Variants in SUPT5H observed in about 807,000 individuals in gnomAD.
SUPT5H encodes the protein SPT5 homolog, DSIF elongation factor subunit.
SUPT5H carries 24 observed loss-of-function variants against 142.5 expected under a neutral mutation model. The observed-to-expected ratio is 0.17, with a 90% confidence interval of 0.12 to 0.24. SUPT5H has a LOEUF of 0.24. SUPT5H is among the 10% of genes least tolerant of loss of function. The probability of loss-of-function intolerance (pLI) is 1.00; values close to 1 mark genes in which losing one functional copy is unlikely to be tolerated. For synonymous variants in SUPT5H, 546 were observed against 553.0 expected, an observed-to-expected ratio of 0.99 and a Z score of 0.18; for missense variants, 893 against 1,471.8, an observed-to-expected ratio of 0.61 and a Z score of 6.43.
In SUPT5H at chr19:39,458,389, T is replaced by C; in HGVS notation, c.319+84T>C. 6.3e-7 allele frequency: 1 copy of C among 1,596,728 alleles called. No individual in the cohort carries two copies. Among genetic ancestry groups the C allele is most frequent in the African/African-American group, 1.3e-5 (1 of 74,866 alleles). On this transcript the variant is annotated intron_variant, in intron 5 of 29. Coordinates refer to ENST00000432763, the MANE Select transcript of SUPT5H (RefSeq NM_001111020.3). The surrounding 1 kb of genome is among the most constrained non-coding windows in gnomAD (Gnocchi z 4.2). ...TTCCTGAGGCACCTGCCCTCACCGG[T>C]AGCCTCCCCACCAGCCCCGGTCTGG...
rs371145303 is a variant in SUPT5H at position 39,474,411 on chromosome 19, C to T, written c.2820+9C>T. ...CGCCCATGGCCTATCAGGTAATGGT[C>T]TGCCTGCCTGCCCTGAAGGGTGGTG... On this transcript the variant is annotated intron_variant, in intron 27 of 29. Transcript: ENST00000432763. This position sits in a 1 kb window ranked among gnomAD's most constrained non-coding sequence, Gnocchi z 6.5. The T allele has an allele frequency of 9.9e-6, 16 of 1,612,828 alleles. No individual in the cohort carries two copies. Among genetic ancestry groups the T allele is most frequent in the African/African-American group, 1.3e-5 (1 of 75,030 alleles).
intron 28 of SUPT5H, 93 bp from the exon 29 acceptor site, chr19:39,475,988 C>A: frequency 8.2e-7 from 1 of 1,220,066 alleles, no homozygotes; most frequent in Admixed American, 2.2e-5. Flanking sequence ...CTTGAGTTCT[C>A]AGAATGAGCC....
chr19:39,471,844 C>A, intron 20 of SUPT5H, 114 bp downstream of exon 20: 1 of 1,402,240 alleles, frequency 7.1e-7, no homozygotes. Flanking sequence ...AGAGCAGTGT[C>A]ATTGTCAGGT....
At chr19:39,457,559 G>A (rs2079106121) in intron 3 of SUPT5H, 116 bp from the exon 4 acceptor site, 1 of 1,531,896 alleles carries the variant, frequency 6.5e-7, no homozygotes. Context: ...GAGCCTCAGT[G>A]TCCTGCTCTG....
intron 3 of SUPT5H, among the ~76,000 whole-genome samples, chr19:39,456,960 G>C (rs2079098866): frequency 6.6e-6 from 1 of 152,232 alleles, no homozygotes; most frequent in Admixed American, 6.5e-5. Flanking sequence ...TTAGAAATGT[G>C]AGGGAGACTT....
intron 19 of SUPT5H, 44 bp downstream of exon 19, chr19:39,471,547 G>T: frequency 6.2e-7 from 1 of 1,613,876 alleles, no homozygotes; most frequent in East Asian, 2.2e-5. Flanking sequence ...GAAAGAATTT[G>T]GTTGGTTGGG....
At position 39,470,071 on chromosome 19, in the gene SUPT5H, T is replaced by C; in HGVS notation, c.1375-48T>C. On this transcript the variant is annotated intron_variant, in intron 16 of 29. Transcript: ENST00000432763. This position sits in a 1 kb window ranked among gnomAD's most constrained non-coding sequence, Gnocchi z 5.8. Reference sequence around the variant, plus strand: ...GAAGACAGGAGGGGCAGGCAGGTTGTGGTGGTCTCCCTTCACCTGTTTGTT... The same window carrying C: ...GAAGACAGGAGGGGCAGGCAGGTTGCGGTGGTCTCCCTTCACCTGTTTGTT... The C allele has an allele frequency of 6.3e-7, 1 of 1,585,950 alleles. No homozygotes were observed. Among genetic ancestry groups the C allele is most frequent in the Non-Finnish European group, 8.6e-7 (1 of 1,161,346 alleles).
chr19:39,473,225 A>G lies in SUPT5H; in HGVS notation c.2281A>G (p.Met761Val). The G allele has an allele frequency of 1.9e-6, 3 of 1,613,140 alleles. No individual in the cohort carries two copies. The highest frequency in any genetic ancestry group is 2.2e-5 in the South Asian group (2 of 91,084). ...CAGGGGCTCACGGCGCCCGGGCGGC[A>G]TGACCTCGACCTATGGGAGGACGCC... is the stretch of plus-strand genomic sequence containing the variant. ...TTVGSRRPGG[M>V]TSTYGRTPMY... Residue 761 changes from methionine to valine, a missense_variant, in exon 24 of 30, where the codon ATG (methionine) becomes GTG (valine). Met to Val is a conservative substitution (Grantham distance 21). Transcript: ENST00000432763. This position sits in a 1 kb window ranked among gnomAD's most constrained non-coding sequence, Gnocchi z 5.8.
Position 39,470,286 on chromosome 19 carries a change from G to C in SUPT5H, c.1530+12G>C, listed in dbSNP as rs1289522676. ...TCACCATGCATGAGGTAGGTGGATA[G>C]AAGGGTCGGGGAAGGGTGCACGTGC... is the stretch of plus-strand genomic sequence containing the variant. On this transcript the variant is annotated intron_variant, in intron 17 of 29. Coordinates refer to ENST00000432763, the MANE Select transcript of SUPT5H (RefSeq NM_001111020.3). The surrounding 1 kb of genome is among the most constrained non-coding windows in gnomAD (Gnocchi z 5.8). 2 of 1,559,518 alleles carry C rather than the reference G, an allele frequency of 1.3e-6. No individual in the cohort carries two copies. The highest frequency in any genetic ancestry group is 1.7e-6 in the Non-Finnish European group (2 of 1,146,308).
intron 3 of SUPT5H, among the ~76,000 whole-genome samples, chr19:39,455,870 C>A (rs1483742450): frequency 6.8e-6 from 1 of 147,336 alleles, no homozygotes; most frequent in Admixed American, 6.8e-5. Flanking sequence ...ATCCACCCAC[C>A]TTGGCCTCCC....
At chr19:39,451,315 A>G (rs2079019374) in intron 2 of SUPT5H, among the ~76,000 whole-genome samples, 1 of 150,264 alleles carries the variant, frequency 6.7e-6, no homozygotes, top group Admixed American at 6.6e-5. Flanking sequence ...CAGCCTCCCA[A>G]GTAGTTGGGA....
chr19:39,463,885 A>G (rs1340651087), intron 10 of SUPT5H, among the ~76,000 whole-genome samples: 2 of 151,058 alleles, frequency 1.3e-5, no homozygotes, highest in South Asian at 4.2e-4. Flanking sequence ...TGACCTTTTT[A>G]TTGTTACAAA....
intron 2 of SUPT5H, among the ~76,000 whole-genome samples, chr19:39,446,253 C>T (rs770794531): frequency 5.3e-5 from 8 of 151,964 alleles, no homozygotes; most frequent in Non-Finnish European, 1.0e-4. Context: ...TATGTCTAGT[C>T]ATTCCATAAC....
At chr19:39,460,018 A>G (rs755793473) in intron 10 of SUPT5H, 58 bp downstream of exon 10, 1 of 1,573,276 alleles carries the variant, frequency 6.4e-7, no homozygotes, top group Non-Finnish European at 8.7e-7. Flanking sequence ...AGAGGGAAGA[A>G]CATTGTCAAC....
chr19:39,473,109 C>A lies in SUPT5H; in HGVS notation c.2253C>A (p.Thr751=), dbSNP rs755925109. 1.8e-5 allele frequency: 29 copies of A among 1,613,244 alleles called. No individual in the cohort carries two copies. The highest frequency in any genetic ancestry group is 2.3e-5 in the Non-Finnish European group (27 of 1,179,892). Residue 751 remains threonine, a synonymous_variant, in exon 23 of 30, where the codon ACC becomes ACA. Coordinates refer to ENST00000432763, the MANE Select transcript of SUPT5H (RefSeq NM_001111020.3). The surrounding 1 kb of genome is among the most constrained non-coding windows in gnomAD (Gnocchi z 5.8). ...TCTCTGTGGACCGTCAGCGGCTCAC[C>A]ACGGTGTACGGGCGGGGCCTGGGGA... ...QTISVDRQRL[T]TVGSRRPGGM...
In SUPT5H at chr19:39,473,416, G is replaced by A. The variant is rs772410534; in HGVS notation, c.2387G>A (p.Gly796Asp). 5.0e-6 allele frequency: 8 copies of A among 1,613,222 alleles called. No homozygotes were observed. The South Asian group carries it at 8.8e-5, about 18-fold the overall frequency. Reference protein sequence around the residue: ...MYGSQTPLQDGSRTPHYGSQT... With the variant: ...MYGSQTPLQDDSRTPHYGSQT... ...GACACACTCATTTCCCCCATTCCAG[G>A]TAGCCGCACCCCACACTACGGCTCA... Residue 796 changes from glycine to aspartate, a missense_variant and splice_region_variant, in exon 25 of 30, where the codon GGT (glycine) becomes GAT (aspartate). Coordinates refer to ENST00000432763, the MANE Select transcript of SUPT5H (RefSeq NM_001111020.3). The surrounding 1 kb of genome is among the most constrained non-coding windows in gnomAD (Gnocchi z 5.8).
chr19:39,475,101 G>C (rs930536106), intron 28 of SUPT5H: 1 of 283,168 alleles, frequency 3.5e-6, no homozygotes, highest in Admixed American at 4.9e-5. Flanking sequence ...GCCAAAGGGG[G>C]CCAAGCAGTG....
intron 3 of SUPT5H, among the ~76,000 whole-genome samples, chr19:39,454,383 T>G: frequency 1.4e-5 from 2 of 140,692 alleles, no homozygotes; most frequent in African/African-American, 2.7e-5. Flanking sequence ...TGAGACGGAG[T>G]CTCGCTCAGG....
At chr19:39,456,167 T>C (rs974540399) in intron 3 of SUPT5H, among the ~76,000 whole-genome samples, 1 of 151,852 alleles carries the variant, frequency 6.6e-6, no homozygotes, top group Non-Finnish European at 1.5e-5. Flanking sequence ...TCCACCCATC[T>C]CGGCCTCCCA....
Sources: allele counts gnomAD v4.1 joint callset (sites outside exome capture counted in the v4.1 genomes callset), GRCh38; gene constraint gnomAD v4.1.1; non-coding constraint Gnocchi (gnomAD v3.1); transcripts MANE v1.5; gene names NCBI Gene and HGNC (gene_info 2026-07-23, HGNC 2026-07-21).